Variants in AXIN1 observed in about 807,000 individuals in gnomAD.
AXIN1 encodes the protein axin-1.
Under a neutral mutation model 76.4 loss-of-function variants are expected in AXIN1, and 30 were observed. The ratio of observed to expected loss-of-function variants is 0.39; its 90% CI spans 0.29 to 0.53. The LOEUF is 0.53. AXIN1 is among the 20% of genes least tolerant of loss of function. The probability of loss-of-function intolerance (pLI) is 0.66; values close to 1 mark genes in which losing one functional copy is unlikely to be tolerated. For missense variants in AXIN1, 1,140 were observed against 1,198.8 expected (o/e 0.95, Z 0.72); for synonymous variants, 545 against 501.4 (o/e 1.09, Z -1.16).
At chr16:342,036 C>T (rs1335308093) in intron 2 of AXIN1, among the ~76,000 whole-genome samples, 2 of 152,308 alleles carry the variant, frequency 1.3e-5, no homozygotes, top group Non-Finnish European at 2.9e-5. Context: ...TGGGTGGGGC[C>T]AGATAAGAGA....
chr16:298,173 G>A lies in AXIN1; in HGVS notation c.1333C>T (p.His445Tyr). The A allele has an allele frequency of 1.9e-6, 3 of 1,542,772 alleles. No homozygotes were observed. The highest frequency in any genetic ancestry group is 2.0e-5 in the Admixed American group (1 of 51,164). ...TCCACACAGCGGGGCGGGAAGTGGT[G>A]CCAAGCGGGGGCGGGAGGCAGCTTG... ...CHKLPPAPAW[H>Y]HFPPRCVDMG... The change falls in exon 6 of 11, where the codon CAC becomes TAC. Residue 445 changes from histidine to tyrosine, a missense_variant. This residue lies in a region of AXIN1 where 708 missense variants were observed against 776.9 expected (regional missense o/e 0.91). Coordinates refer to ENST00000262320, the MANE Select transcript of AXIN1 (RefSeq NM_003502.4).
intron 7 of AXIN1, among the ~76,000 whole-genome samples, chr16:295,437 A>G (rs900831636): frequency 1.3e-5 from 2 of 151,986 alleles, no homozygotes; most frequent in Non-Finnish European, 2.9e-5. Context: ...TACAAATTAT[A>G]TACTAATCCT....
chr16:299,943 C>G (rs2052826499), intron 5 of AXIN1, among the ~76,000 whole-genome samples: 1 of 152,014 alleles, frequency 6.6e-6, no homozygotes, highest in Non-Finnish European at 1.5e-5. Context: ...GTGTGAGCCA[C>G]CGTGCCCGGC....
At chr16:323,543 A>AC (rs909590007) in intron 2 of AXIN1, among the ~76,000 whole-genome samples, 3 of 152,020 alleles carry the variant, frequency 2.0e-5, no homozygotes, top group African/African-American at 7.2e-5. Context: ...GCACTTTGGG[A>AC]GGCCGAGGCG....
At chr16:330,649 C>G (rs138011502) in intron 2 of AXIN1, among the ~76,000 whole-genome samples, 3 of 152,356 alleles carry the variant, frequency 2.0e-5, no homozygotes, top group East Asian at 3.9e-4. Context: ...AATGGCTTCA[C>G]ATCACATTTT....
chr16:291,630 C>G (rs2052564131), intron 8 of AXIN1: 1 of 420,584 alleles, frequency 2.4e-6, no homozygotes. Flanking sequence ...TCCCGAGAGT[C>G]TGTCCTTCAG....
At chr16:289,659 G>C (rs750364123) in intron 9 of AXIN1, 52 bp from the exon 10 acceptor site, 2 of 1,605,788 alleles carry the variant, frequency 1.2e-6, no homozygotes, top group Non-Finnish European at 1.7e-6. Flanking sequence ...AGGTCCCACA[G>C]GGTCCCTCCT....
At chr16:299,781 C>CTG in intron 5 of AXIN1, among the ~76,000 whole-genome samples, 1 of 151,514 alleles carries the variant, frequency 6.6e-6, no homozygotes, top group Non-Finnish European at 1.5e-5. Context: ...TCAGCCTGCC[C>CTG]AGTAGCTGGG....
chr16:291,237 C>T lies in AXIN1; in HGVS notation c.2247G>A (p.Val749=), dbSNP rs930860548. ...CCGACACGGCTGGTACCACGTGCAG[C>T]ACCGGCGCGCACGCTGGCCTGACGC... is the stretch of plus-strand genomic sequence containing the variant. ...RACVRPACAP[V]LHVVPAVSDM... is the part of the protein sequence containing the mutation. Residue 749 remains valine (V), a synonymous_variant, in exon 9 of 11, where the codon GTG becomes GTA. Transcript: ENST00000262320. 1 of 1,587,060 alleles carries T rather than the reference C, an allele frequency of 6.3e-7. No individual in the cohort carries two copies. The highest frequency in any genetic ancestry group is 8.6e-7 in the Non-Finnish European group (1 of 1,167,774).
At chr16:289,637 G>C (rs761332374) in intron 9 of AXIN1, 30 bp from the exon 10 acceptor site, 8 of 1,611,358 alleles carry the variant, frequency 5.0e-6, no homozygotes, top group Non-Finnish European at 6.8e-6. Flanking sequence ...GGTGGTACCT[G>C]GTTTTGGACT....
intron 2 of AXIN1, among the ~76,000 whole-genome samples, chr16:326,062 T>C (rs1317973225): frequency 1.3e-5 from 2 of 151,958 alleles, no homozygotes; most frequent in African/African-American, 2.4e-5. Context: ...ATATACTATA[T>C]ATATAACAAG....
chr16:332,034 T>A (rs2053700820), intron 2 of AXIN1, among the ~76,000 whole-genome samples: 1 of 152,138 alleles, frequency 6.6e-6, no homozygotes. Flanking sequence ...ATGGATGGCA[T>A]GACACTCCCA....
chr16:292,564 G>A (rs1014886126), intron 8 of AXIN1: 1 of 152,190 alleles, frequency 6.6e-6, no homozygotes, highest in African/African-American at 2.4e-5. Context: ...CCAGGCCCCA[G>A]GTGACCCAAG....
chr16:325,092 A>G (rs1033711339), intron 2 of AXIN1, among the ~76,000 whole-genome samples: 2 of 151,510 alleles, frequency 1.3e-5, no homozygotes, highest in African/African-American at 4.9e-5. Flanking sequence ...CCAGGAAACC[A>G]TGGCCTCAGC....
intron 7 of AXIN1, among the ~76,000 whole-genome samples, chr16:295,244 A>G (rs2052679846): frequency 6.6e-6 from 1 of 151,388 alleles, no homozygotes; most frequent in Non-Finnish European, 1.5e-5. Flanking sequence ...AGCTGGGATT[A>G]CTGGCACTCG....
At chr16:304,591 A>G (rs909472486) in intron 4 of AXIN1, 150 bp from the exon 5 acceptor site, 1 of 1,272,618 alleles carries the variant, frequency 7.9e-7, no homozygotes, top group South Asian at 1.4e-5. Flanking sequence ...CTGGAGTGCA[A>G]TGGCGTGATC....
At chr16:331,233 A>T (rs1416355491) in intron 2 of AXIN1, among the ~76,000 whole-genome samples, 1 of 143,122 alleles carries the variant, frequency 7.0e-6, no homozygotes, top group Non-Finnish European at 1.5e-5. Flanking sequence ...TAAGGTAAAA[A>T]TTCTGTACAT....
chr16:324,260 G>A (rs2053529838), intron 2 of AXIN1, among the ~76,000 whole-genome samples: 1 of 152,208 alleles, frequency 6.6e-6, no homozygotes, highest in East Asian at 1.9e-4. Context: ...GCTCAAGGAC[G>A]CCGATGCCAT....
At chr16:351,900 G>C (rs1282918380) in intron 1 of AXIN1, among the ~76,000 whole-genome samples, 3 of 152,118 alleles carry the variant, frequency 2.0e-5, no homozygotes, top group Non-Finnish European at 4.4e-5. Flanking sequence ...GTGCGGGGCG[G>C]GGGTAGAATC....
Sources: gnomAD v4.1 joint callset for allele counts (sites outside exome capture counted in the v4.1 genomes callset) on GRCh38, gnomAD v4.1.1 for gene constraint, gnomAD v4.1.1 regional missense constraint, MANE v1.5 for transcripts, NCBI Gene and HGNC (gene_info 2026-07-23, HGNC 2026-07-21) for gene names.